The following IL4I1 variants were observed in gnomAD, a reference collection of about 807,000 sequenced individuals.
IL4I1 encodes the protein interleukin 4 induced 1.
IL4I1 carries 24 observed loss-of-function variants against 29.7 expected under a neutral mutation model. That is an observed-to-expected ratio of 0.81 (90% CI 0.59 to 1.14). The LOEUF is 1.14. Among genes scored for constraint, IL4I1 ranks in the 50% most tolerant of loss-of-function variants. The pLI is 0.00. For synonymous variants in IL4I1, 371 were observed against 352.5 expected, an observed-to-expected ratio of 1.05 and a Z score of -0.59; for missense variants, 686 against 785.6, an observed-to-expected ratio of 0.87 and a Z score of 1.52.
At chr19:49,908,751 G>T in intron 2 of IL4I1, 1 of 1,613,650 alleles carries the variant, frequency 6.2e-7, no homozygotes. Context: ...GTGGCCTGCT[G>T]GAGGAAGTGC....
chr19:49,922,987 A>C lies in IL4I1; in HGVS notation c.-228+4707T>G, dbSNP rs547017526. Reference sequence around the variant, plus strand: ...GAGGTGACCACAGGTCGGGGGGTACAGTATCTTGTCCCAGACCACTAAGCG... The same window carrying C: ...GAGGTGACCACAGGTCGGGGGGTACCGTATCTTGTCCCAGACCACTAAGCG... On this transcript the variant is annotated intron_variant, in intron 2 of 9. Coordinates refer to the IL4I1 transcript ENST00000341114. Among the ~76,000 whole-genome samples the C allele has an allele frequency of 3.9e-5, 6 of 152,240 alleles. No individual in the cohort carries two copies. In the East Asian group the frequency reaches 1.2e-3, roughly 29 times the overall value.
chr19:49,916,469 C>G (rs1340477919), intron 2 of IL4I1, among the ~76,000 whole-genome samples: 1 of 147,356 alleles, frequency 6.8e-6, no homozygotes, highest in Non-Finnish European at 1.5e-5. Context: ...ATTTTTGTAT[C>G]TCTACTAAAA....
chr19:49,902,031 G>A (rs932221553), intron 3 of IL4I1, among the ~76,000 whole-genome samples: 2 of 152,058 alleles, frequency 1.3e-5, no homozygotes, highest in Admixed American at 6.6e-5. Flanking sequence ...ACTGAGTCTC[G>A]TTCTGTCACC....
Position 49,921,514 on chromosome 19 carries a change from C to T in IL4I1, c.-228+6180G>A, listed in dbSNP as rs74575817. On this transcript the variant is annotated intron_variant, in intron 2 of 9. Transcript: ENST00000341114. This position sits in a 1 kb window ranked among gnomAD's most constrained non-coding sequence, Gnocchi z 5.4. ...CCCAGCTGCAGACGATGGCCTGAGACGCCTGCAGGGAAGAGAGGGGCGTCC... is the reference window on the plus strand; with the variant it reads ...CCCAGCTGCAGACGATGGCCTGAGATGCCTGCAGGGAAGAGAGGGGCGTCC... 4.4e-3 allele frequency among the ~76,000 whole-genome samples: 677 copies of T among 152,312 alleles called. 7 individuals carry two copies. The highest frequency in any genetic ancestry group is 0.016 in the African/African-American group (660 of 41,576).
chr19:49,901,767 C>A, upstream of IL4I1: 1 of 1,375,970 alleles, frequency 7.3e-7, no homozygotes, highest in Non-Finnish European at 9.8e-7. Context: ...TAGTGGTGCC[C>A]TTGTTAGATC....
exon 2 of IL4I1, chr19:49,927,715 C>T (rs949899467): frequency 1.3e-5 from 2 of 152,216 alleles, no homozygotes; most frequent in Non-Finnish European, 2.9e-5. Context: ...AGGATTCCTC[C>T]ACCTTCTCTG....
rs562910570 is a variant in IL4I1 at position 49,889,811 on chromosome 19, T to C, written c.1563A>G (p.Ala521=). The C allele has an allele frequency of 8.1e-5, 125 of 1,550,664 alleles. No homozygotes were observed. The highest frequency in any genetic ancestry group is 3.6e-4 in the South Asian group (30 of 82,284). ...CATGCCCCTGCCCCTCCATGTCAGATGCGTGCCCCTCGGGGCTGGCCGTGT... is the reference window on the plus strand; with the variant it reads ...CATGCCCCTGCCCCTCCATGTCAGACGCGTGCCCCTCGGGGCTGGCCGTGT... ...ASDTASPEGH[A]SDMEGQGHVH... The change falls in exon 8 of 8, where the codon GCA becomes GCG. Residue 521 remains alanine, a synonymous_variant. Coordinates refer to ENST00000391826, the MANE Select transcript of IL4I1 (RefSeq NM_152899.2).
chr19:49,922,432 C>CAGAAA (rs1318964830), intron 2 of IL4I1, among the ~76,000 whole-genome samples: 103 of 152,216 alleles, frequency 6.8e-4, no homozygotes, highest in Admixed American at 6.1e-3. Flanking sequence ...ACACTGTCCT[C>CAGAAA]CCCTCCTTCA....
In IL4I1 at chr19:49,889,741, C is replaced by T; in HGVS notation, c.1633G>A (p.Glu545Lys). ...CCTTGGACTGGAGGGTGGCTGCCTTCTTCCTTTGCCAGGTCATGCGAGGGG... is the reference window on the plus strand; with the variant it reads ...CCTTGGACTGGAGGGTGGCTGCCTTTTTCCTTTGCCAGGTCATGCGAGGGG... Reference protein sequence around the residue: ...SSPSHDLAKEEGSHPPVQGQL... With the variant: ...SSPSHDLAKEKGSHPPVQGQL... The change falls in exon 8 of 8, where the codon GAA (glutamate) becomes AAA (lysine). Residue 545 changes from glutamate to lysine, a missense_variant. Transcript: ENST00000391826. 6.6e-7 allele frequency: 1 copy of T among 1,517,392 alleles called. No homozygotes were observed. The highest frequency in any genetic ancestry group is 8.8e-7 in the Non-Finnish European group (1 of 1,132,736). 94.0% of individuals were successfully genotyped at this position (1,517,392 alleles called of 1,614,324 possible). A position where few individuals can be genotyped will look rare whatever the true frequency, so the allele number is the denominator to read the frequency against.
In IL4I1 at chr19:49,926,061, T is replaced by C. The variant is rs1600566760; in HGVS notation, c.-228+1633A>G. 2.0e-5 allele frequency among the ~76,000 whole-genome samples: 3 copies of C among 151,510 alleles called. No homozygotes were observed. In the East Asian group the frequency reaches 5.8e-4, roughly 29 times the overall value. On this transcript the variant is annotated intron_variant, in intron 2 of 9. Coordinates refer to the IL4I1 transcript ENST00000341114. ...CTGTATCTACTAAAAATATAAAAAT[T>C]AGCCAGGCATGATGGTGCATGTCTG... is the stretch of plus-strand genomic sequence containing the variant.
In IL4I1 at chr19:49,890,005, G is replaced by C; in HGVS notation, c.1369C>G (p.Gln457Glu). The stretch of plus-strand genomic sequence containing the variant: ...TCGGTTTGCCAGAGCGCCGGCGGCT[G>C]TACCACAAAGCCACCCTGGCTGTGC... Reference protein sequence around the residue: ...DQHSQGGFVVQPPALWQTEKD... With the variant: ...DQHSQGGFVVEPPALWQTEKD... The change falls in exon 8 of 8, where the codon CAG (glutamine) becomes GAG (glutamate). Residue 457 changes from glutamine (Q) to glutamate (E), a missense_variant. By Grantham distance (29) the Gln-to-Glu change is conservative. Coordinates refer to ENST00000391826, the MANE Select transcript of IL4I1 (RefSeq NM_152899.2). 6.4e-7 allele frequency: 1 copy of C among 1,555,126 alleles called. No individual in the cohort carries two copies. The highest frequency in any genetic ancestry group is 1.4e-5 in the African/African-American group (1 of 73,372).
intron 3 of IL4I1, 134 bp from the exon 4 acceptor site, chr19:49,895,314 C>T (rs912451434): frequency 9.3e-6 from 6 of 646,074 alleles, no homozygotes; most frequent in Admixed American, 2.8e-5. Context: ...GGAGAGGGTC[C>T]CCTTCTGTAT....
chr19:49,914,738 T>TTTTG (rs2075579631), intron 2 of IL4I1, among the ~76,000 whole-genome samples: 1 of 116,642 alleles, frequency 8.6e-6, no homozygotes, highest in Non-Finnish European at 1.7e-5. Flanking sequence ...TTTTTTTTTT[T>TTTTG]TTTTTTTTTT....
chr19:49,896,730 G>C, intron 1 of IL4I1, 105 bp downstream of exon 1: 1 of 718,092 alleles, frequency 1.4e-6, no homozygotes. Context: ...CCCCGCGCCC[G>C]GCCTCTTTTC....
chr19:49,926,509 G>A (rs912504155), intron 2 of IL4I1, among the ~76,000 whole-genome samples: 4 of 150,998 alleles, frequency 2.6e-5, no homozygotes, highest in African/African-American at 7.3e-5. Flanking sequence ...CAGCCTGGGC[G>A]ACACAGCAAG....
At chr19:49,920,436 T>G (rs1373690446) in intron 2 of IL4I1, among the ~76,000 whole-genome samples, 2 of 152,208 alleles carry the variant, frequency 1.3e-5, no homozygotes, top group African/African-American at 4.8e-5. Context: ...TGGTGATGGC[T>G]GCACAACTCT....
At chr19:49,901,664 C>T, upstream of IL4I1, 2 of 1,536,512 alleles carry the variant, frequency 1.3e-6, no homozygotes, top group Non-Finnish European at 1.8e-6. Flanking sequence ...GGGGGGCTCT[C>T]TCAGCACCCA....
chr19:49,903,044 G>A (rs1346263388), intron 3 of IL4I1, among the ~76,000 whole-genome samples: 2 of 151,752 alleles, frequency 1.3e-5, no homozygotes, highest in African/African-American at 4.8e-5. Flanking sequence ...GAACCCGGGA[G>A]GCAGAGATTG....
chr19:49,890,893 A>G, intron 7 of IL4I1, 78 bp downstream of exon 7: 2 of 1,205,600 alleles, frequency 1.7e-6, no homozygotes, highest in Non-Finnish European at 1.1e-6. Flanking sequence ...CCCCAGACCC[A>G]GAGGCTCCTC....
Sources: allele counts gnomAD v4.1 joint callset (sites outside exome capture counted in the v4.1 genomes callset), GRCh38; gene constraint gnomAD v4.1.1; non-coding constraint Gnocchi (gnomAD v3.1); transcripts MANE v1.5; gene names NCBI Gene and HGNC (gene_info 2026-07-23, HGNC 2026-07-21).